TTC6: variants seen among roughly 807,000 people sequenced by gnomAD.
TTC6 encodes tetratricopeptide repeat domain 6.
TTC6 carries 172 observed loss-of-function variants against 210.4 expected under a neutral mutation model. The ratio of observed to expected loss-of-function variants is 0.82; its 90% CI spans 0.72 to 0.93. The LOEUF (loss-of-function observed/expected upper bound fraction) is 0.93, where lower values mean the gene tolerates loss of function less well. Among genes scored for constraint, TTC6 ranks in the 40% least tolerant of loss-of-function variants. The pLI, the probability that TTC6 is intolerant of heterozygous loss-of-function variation, is 0.00. For synonymous variants in TTC6, 804 were observed against 819.6 expected (o/e 0.98, Z 0.32); for missense variants, 2,414 against 2,318.1 (o/e 1.04, Z -0.85).
chr14:37,839,408 A>AT (rs2096205102), intron 29 of TTC6, among the ~76,000 whole-genome samples: 1 of 152,092 alleles, frequency 6.6e-6, no homozygotes, highest in Non-Finnish European at 1.5e-5. Context: ...GATGATGAGC[A>AT]TTTTTTCATA....
At chr14:37,736,314 G>A (rs2095901521) in intron 8 of TTC6, among the ~76,000 whole-genome samples, 1 of 152,112 alleles carries the variant, frequency 6.6e-6, no homozygotes, top group African/African-American at 2.4e-5. Flanking sequence ...TTGAGCCCAG[G>A]AGATCGAGGG....
At chr14:37,699,648 C>T (rs2095821086) in intron 4 of TTC6, among the ~76,000 whole-genome samples, 1 of 152,090 alleles carries the variant, frequency 6.6e-6, no homozygotes, top group African/African-American at 2.4e-5. Flanking sequence ...CGACTGCCTG[C>T]GCAGGCTGAG....
At chr14:37,693,643 A>G (rs756571540) in intron 3 of TTC6, among the ~76,000 whole-genome samples, 2 of 152,096 alleles carry the variant, frequency 1.3e-5, no homozygotes, top group African/African-American at 4.8e-5. Flanking sequence ...CCAAACAAAT[A>G]AAAACAAAAA....
intron 1 of TTC6, among the ~76,000 whole-genome samples, chr14:37,645,103 T>C (rs921020873): frequency 1.3e-5 from 2 of 152,206 alleles, no homozygotes; most frequent in African/African-American, 2.4e-5. Context: ...TACAAGTCTG[T>C]TTCCCCACAT....
At chr14:37,793,190 C>T (rs1199856089) in intron 17 of TTC6, among the ~76,000 whole-genome samples, 1 of 152,132 alleles carries the variant, frequency 6.6e-6, no homozygotes, top group Admixed American at 6.6e-5. Flanking sequence ...TTTGCTCAAG[C>T]CCTTCAATAG....
In TTC6 at chr14:37,700,974, A is replaced by G. The variant is rs190680044; in HGVS notation, c.1377-358A>G. On this transcript the variant is annotated intron_variant, in intron 4 of 30. Coordinates refer to ENST00000553443, the Ensembl canonical transcript of TTC6. The stretch of plus-strand genomic sequence containing the variant: ...GACCAGAGTAGCAAAGGAGTAATAC[A>G]TGATGGCTGGATATGGTGTCCACAG... 3.3e-5 allele frequency among the ~76,000 whole-genome samples: 5 copies of G among 152,178 alleles called. No individual in the cohort carries two copies. The East Asian group carries it at 5.8e-4, about 18-fold the overall frequency.
At chr14:37,831,584 T>C (rs550394513) in intron 29 of TTC6, among the ~76,000 whole-genome samples, 1 of 148,858 alleles carries the variant, frequency 6.7e-6, no homozygotes, top group African/African-American at 2.4e-5. Context: ...GACGTTTTTT[T>C]TGTGTGTGTT....
intron 1 of TTC6, among the ~76,000 whole-genome samples, chr14:37,662,964 C>G (rs574226250): frequency 6.6e-6 from 1 of 151,970 alleles, no homozygotes; most frequent in East Asian, 1.9e-4. Context: ...ATTGAATCTG[C>G]AAATTGTTTT....
chr14:37,666,960 T>A, intron 1 of TTC6, among the ~76,000 whole-genome samples: 1 of 150,566 alleles, frequency 6.6e-6, no homozygotes, highest in East Asian at 1.9e-4. Context: ...AGGCTGATTT[T>A]ATTATTATAT....
intron 6 of TTC6, among the ~76,000 whole-genome samples, chr14:37,716,883 A>G (rs558162861): frequency 1.3e-5 from 2 of 152,256 alleles, no homozygotes; most frequent in East Asian, 3.9e-4. Flanking sequence ...CATGAAACAT[A>G]TACCAGGATA....
chr14:37,835,721 G>A (rs986809670), intron 29 of TTC6, among the ~76,000 whole-genome samples: 4 of 152,174 alleles, frequency 2.6e-5, no homozygotes, highest in Non-Finnish European at 5.9e-5. Context: ...AATTGTGTTA[G>A]AAAGTGGTAA....
intron 1 of TTC6, among the ~76,000 whole-genome samples, chr14:37,639,962 T>A (rs1310343540): frequency 1.3e-5 from 2 of 150,952 alleles, no homozygotes; most frequent in East Asian, 3.9e-4. Context: ...TTTTCTTTTA[T>A]ATAATATATA....
In TTC6 at chr14:37,841,440, T is replaced by A; in HGVS notation, c.5299-5T>A. ...AAAATATATCATTATCTTCATATTT[T>A]GTAGGCCAGTGACTACTTCTCAAAA... On this transcript the variant is annotated splice_region_variant and splice_polypyrimidine_tract_variant and intron_variant, in intron 29 of 30. Transcript: ENST00000553443. 6.3e-7 allele frequency: 1 copy of A among 1,581,600 alleles called. No individual in the cohort carries two copies. The highest frequency in any genetic ancestry group is 8.5e-7 in the Non-Finnish European group (1 of 1,170,642).
At chr14:37,680,425 CATTTTGGCTCACT>C (rs1566883336) in intron 2 of TTC6, among the ~76,000 whole-genome samples, 164 bp downstream of exon 4, 1 of 152,086 alleles carries the variant, frequency 6.6e-6, no homozygotes, top group African/African-American at 2.4e-5. Flanking sequence ...GAGTCTTGGC[CATTTTGGCTCACT>C]GTTGCTGGCT....
intron 14 of TTC6, among the ~76,000 whole-genome samples, chr14:37,770,296 A>C (rs1250396730): frequency 6.6e-6 from 1 of 151,978 alleles, no homozygotes; most frequent in Non-Finnish European, 1.5e-5. Context: ...TGGGGTGGAG[A>C]GTTCTGTAGA....
At chr14:37,801,960 C>G (rs2096107659) in intron 20 of TTC6, 1 of 152,166 alleles carries the variant, frequency 6.6e-6, no homozygotes, top group African/African-American at 2.4e-5. Flanking sequence ...TTCATTGCAG[C>G]ACTATTCACA....
chr14:37,755,361 G>A (rs2095964402), intron 14 of TTC6, among the ~76,000 whole-genome samples: 1 of 152,128 alleles, frequency 6.6e-6, no homozygotes, highest in South Asian at 2.1e-4. Flanking sequence ...TTCATTTGCT[G>A]CACAGAAGCT....
rs572012107 is a variant in TTC6 at position 37,782,696 on chromosome 14, G to C, written c.3267-4772G>C. On this transcript the variant is annotated intron_variant, in intron 14 of 30. Transcript: ENST00000553443. ...AGGAGTGATGAGAGAGGGCATCCCT[G>C]TCTTGTGCCAGTTTTCAAAGGGAAT... Among the ~76,000 whole-genome samples the C allele has an allele frequency of 2.0e-4, 31 of 152,280 alleles. No homozygotes were observed. The East Asian group carries it at 3.9e-3, about 19-fold the overall frequency.
intron 1 of TTC6, among the ~76,000 whole-genome samples, chr14:37,631,217 A>T (rs1465848381): frequency 6.6e-6 from 1 of 151,890 alleles, no homozygotes; most frequent in Admixed American, 6.6e-5. Context: ...GATGGTCTTT[A>T]CAATTTGGTA....
Sources: gnomAD v4.1 joint callset for allele counts (sites outside exome capture counted in the v4.1 genomes callset) on GRCh38, gnomAD v4.1.1 for gene constraint, MANE v1.5 for transcripts, NCBI Gene and HGNC (gene_info 2026-07-23, HGNC 2026-07-21) for gene names.